Variants in ATF4 observed in about 807,000 individuals in gnomAD.
ATF4 encodes activating transcription factor 4.
ATF4 carries 8 observed loss-of-function variants against 21.0 expected under a neutral mutation model. That is an observed-to-expected ratio of 0.38 (90% CI 0.22 to 0.69). The LOEUF (loss-of-function observed/expected upper bound fraction) is 0.69. ATF4 is among the 30% of genes least tolerant of loss of function. ATF4 has a pLI of 0.49. For missense variants in ATF4, 549 were observed against 425.9 expected (o/e 1.29, Z -2.54); for synonymous variants, 241 against 166.4 (o/e 1.45, Z -3.45).
rs749969874 is a variant in ATF4 at position 39,522,034 on chromosome 22, T to A, written c.488T>A (p.Leu163His). The A allele has an allele frequency of 6.2e-7, 1 of 1,613,876 alleles. No individual in the cohort carries two copies. Residue 163 changes from leucine (L) to histidine (H), a missense_variant, in exon 3 of 3, where the codon CTT (leucine) becomes CAT (histidine). Transcript: ENST00000674920. ...GCCCCCTTCACCTTCTTACAACCTC[T>A]TCCCCTTTCCCCAGGGGTCCTGTCC... ...QVAPFTFLQP[L>H]PLSPGVLSST...
Position 39,522,244 on chromosome 22 carries a change from AGC to A in ATF4, c.699_700del (p.His234GlnfsTer10). On this transcript the variant is annotated frameshift_variant, in exon 3 of 3. Coordinates refer to ENST00000674920, the MANE Select transcript of ATF4 (RefSeq NM_182810.3). LOFTEE classifies it high-confidence loss of function. ...CCAGAGTCCTATCTGGGGTCTCCTC[AGC>A]ACAGCCCCTCTACCAGGGGCTCTCC... 1 of 1,608,682 alleles carries A rather than the reference AGC, an allele frequency of 6.2e-7. No homozygotes were observed. Among genetic ancestry groups the A allele is most frequent in the African/African-American group, 1.3e-5 (1 of 74,560 alleles).
rs925614655 is a variant in ATF4 at position 39,521,573 on chromosome 22, A to C, written c.128A>C (p.His43Pro). Reference sequence around the variant, plus strand: ...GATGATTACCTGGAGGTGGCCAAGCACTTCAAACCTCATGGGTTCTCCAGC... The same window carrying C: ...GATGATTACCTGGAGGTGGCCAAGCCCTTCAAACCTCATGGGTTCTCCAGC... Reference protein sequence around the residue: ...LLDDYLEVAKHFKPHGFSSDK... With the variant: ...LLDDYLEVAKPFKPHGFSSDK... Residue 43 changes from histidine (H) to proline (P), a missense_variant, in exon 2 of 3, where the codon CAC (histidine) becomes CCC (proline). Transcript: ENST00000674920. 3 of 1,613,722 alleles carry C rather than the reference A, an allele frequency of 1.9e-6. No individual in the cohort carries two copies. The African/African-American group carries it at 4.0e-5, about 22-fold the overall frequency.
intron 1 of ATF4, 34 bp from the exon 2 acceptor site, chr22:39,521,320 C>T: frequency 1.3e-6 from 1 of 776,398 alleles, no homozygotes; most frequent in Non-Finnish European, 2.1e-6. Context: ...AACAGCTAAC[C>T]TCTAATGGGA....
In ATF4 at chr22:39,522,154, T is replaced by C; in HGVS notation, c.608T>C (p.Met203Thr). 6 of 1,613,700 alleles carry C rather than the reference T, an allele frequency of 3.7e-6. No individual in the cohort carries two copies. The highest frequency in any genetic ancestry group is 5.1e-6 in the Non-Finnish European group (6 of 1,179,718). Reference protein sequence around the residue: ...RKPDYTAYVAMIPQCIKEEDT... With the variant: ...RKPDYTAYVATIPQCIKEEDT... Reference sequence around the variant, plus strand: ...CCAGACTACACTGCTTACGTTGCCATGATCCCTCAGTGCATAAAGGAGGAA... The same window carrying C: ...CCAGACTACACTGCTTACGTTGCCACGATCCCTCAGTGCATAAAGGAGGAA... Residue 203 changes from methionine to threonine, a missense_variant, in exon 3 of 3, where the codon ATG becomes ACG. Transcript: ENST00000674920.
rs1252413819 is a variant in ATF4, at chr22:39,522,666, AATT to A, written c.*68_*70del. The stretch of plus-strand genomic sequence containing the variant: ...AGTGCTGTAGCTGTGTGTTCCAATA[AATT>A]ATTTTGTAGGGAAAGTACTTGTGCG... On this transcript the variant is annotated 3_prime_UTR_variant, in exon 3 of 3. Transcript: ENST00000674920. The A allele has an allele frequency of 1.4e-6, 2 of 1,379,364 alleles. No individual in the cohort carries two copies. The highest frequency in any genetic ancestry group is 1.9e-6 in the Non-Finnish European group (2 of 1,040,812). 85.4% of individuals were successfully genotyped at this position (1,379,364 alleles called of 1,614,324 possible).
rs200926784 is a variant in ATF4, at chr22:39,521,538, A to G, written c.93A>G (p.Leu31=). The G allele has an allele frequency of 3.1e-6, 5 of 1,612,412 alleles. No individual in the cohort carries two copies. In the Admixed American group the frequency reaches 5.0e-5, roughly 16 times the overall value. The change falls in exon 2 of 3, where the codon CTA becomes CTG. Residue 31 remains leucine (L), a synonymous_variant. Coordinates refer to ENST00000674920, the MANE Select transcript of ATF4 (RefSeq NM_182810.3). Reference sequence around the variant, plus strand: ...CGGGTTTGGGGGCTGAAGAAAGCCTAGGTCTCTTAGATGATTACCTGGAGG... The same window carrying G: ...CGGGTTTGGGGGCTGAAGAAAGCCTGGGTCTCTTAGATGATTACCTGGAGG... The part of the protein sequence containing the change: ...DQSGLGAEES[L]GLLDDYLEVA...
In ATF4 at chr22:39,522,663, A is replaced by G. The variant is rs1158042432; in HGVS notation, c.*61A>G. 1.4e-6 allele frequency: 2 copies of G among 1,389,820 alleles called. No homozygotes were observed. Among genetic ancestry groups the G allele is most frequent in the South Asian group, 1.6e-5 (1 of 62,772 alleles). 86.1% of individuals were successfully genotyped at this position (1,389,820 alleles called of 1,614,324 possible). Reference sequence around the variant, plus strand: ...TAGAGTGCTGTAGCTGTGTGTTCCAATAAATTATTTTGTAGGGAAAGTACT... The same window carrying G: ...TAGAGTGCTGTAGCTGTGTGTTCCAGTAAATTATTTTGTAGGGAAAGTACT... On this transcript the variant is annotated 3_prime_UTR_variant, in exon 3 of 3. Coordinates refer to ENST00000674920, the MANE Select transcript of ATF4 (RefSeq NM_182810.3).
At position 39,522,122 on chromosome 22, in the gene ATF4, T is replaced by C; in HGVS notation, c.576T>C (p.Asp192=). The change falls in exon 3 of 3, where the codon GAT becomes GAC. Residue 192 remains aspartate, a synonymous_variant. Transcript: ENST00000674920. The stretch of plus-strand genomic sequence containing the variant: ...GTGAAGTGGATATCACTGAAGGAGA[T>C]AGGAAGCCAGACTACACTGCTTACG... The part of the protein sequence containing the change: ...LGSEVDITEG[D]RKPDYTAYVA... 1.2e-6 allele frequency: 2 copies of C among 1,613,764 alleles called. No homozygotes were observed. The highest frequency in any genetic ancestry group is 1.3e-5 in the African/African-American group (1 of 74,948).
Position 39,521,774 on chromosome 22 carries a change from G to C in ATF4, c.228G>C (p.Glu76Asp), listed in dbSNP as rs1930959622. The change falls in exon 3 of 3, where the codon GAG (glutamate) becomes GAC (aspartate). Residue 76 changes from glutamate (E) to aspartate (D), a missense_variant and splice_region_variant. By Grantham distance (45) the Glu-to-Asp change is conservative (BLOSUM62 2). Transcript: ENST00000674920. ...CCCCATCACTCAAATGTTTTGCAGAGGATGCCTTCTCCGGGACAGATTGGA... is the reference window on the plus strand; with the variant it reads ...CCCCATCACTCAAATGTTTTGCAGACGATGCCTTCTCCGGGACAGATTGGA... Reference protein sequence around the residue: ...GLVSPSNNSKEDAFSGTDWML... With the variant: ...GLVSPSNNSKDDAFSGTDWML... 2 of 1,613,666 alleles carry C rather than the reference G, an allele frequency of 1.2e-6. No homozygotes were observed. Among genetic ancestry groups the C allele is most frequent in the Admixed American group, 1.7e-5 (1 of 59,994 alleles).
At position 39,522,037 on chromosome 22, in the gene ATF4, C is replaced by T; in HGVS notation, c.491C>T (p.Pro164Leu). 1.9e-6 allele frequency: 3 copies of T among 1,613,880 alleles called. No individual in the cohort carries two copies. The highest frequency in any genetic ancestry group is 2.7e-5 in the African/African-American group (2 of 74,992). Residue 164 changes from proline to leucine, a missense_variant, in exon 3 of 3, where the codon CCC becomes CTC. Pro to Leu is a moderately conservative substitution (Grantham distance 98, BLOSUM62 -3). Coordinates refer to ENST00000674920, the MANE Select transcript of ATF4 (RefSeq NM_182810.3). ...VAPFTFLQPL[P>L]LSPGVLSSTP... ...CCCTTCACCTTCTTACAACCTCTTCCCCTTTCCCCAGGGGTCCTGTCCTCC... is the reference window on the plus strand; with the variant it reads ...CCCTTCACCTTCTTACAACCTCTTCTCCTTTCCCCAGGGGTCCTGTCCTCC...
chr22:39,521,605 G>A lies in ATF4; in HGVS notation c.160G>A (p.Ala54Thr), dbSNP rs148038848. ...ACCTCATGGGTTCTCCAGCGACAAG[G>A]CTAAGGCGGGCTCCTCCGAATGGCT... Reference protein sequence around the residue: ...FKPHGFSSDKAKAGSSEWLAV... With the variant: ...FKPHGFSSDKTKAGSSEWLAV... Residue 54 changes from alanine (A) to threonine (T), a missense_variant, in exon 2 of 3, where the codon GCT becomes ACT. Coordinates refer to ENST00000674920, the MANE Select transcript of ATF4 (RefSeq NM_182810.3). The A allele has an allele frequency of 1.2e-6, 2 of 1,614,146 alleles. No homozygotes were observed. Among genetic ancestry groups the A allele is most frequent in the African/African-American group, 2.7e-5 (2 of 75,048 alleles).
chr22:39,522,621 G>C lies in ATF4; in HGVS notation c.*19G>C. The C allele has an allele frequency of 1.3e-6, 2 of 1,515,548 alleles. No homozygotes were observed. Among genetic ancestry groups the C allele is most frequent in the South Asian group, 2.7e-5 (2 of 74,008 alleles). 93.9% of individuals were successfully genotyped at this position (1,515,548 alleles called of 1,614,324 possible). A position where few individuals can be genotyped will look rare whatever the true frequency, so the allele number is the denominator to read the frequency against. On this transcript the variant is annotated 3_prime_UTR_variant, in exon 3 of 3. Transcript: ENST00000674920. ...CCCCTAGTTGAGGATAGTCAGGAGCGTCAATGTGCTTGTACATAGAGTGCT... is the reference window on the plus strand; with the variant it reads ...CCCCTAGTTGAGGATAGTCAGGAGCCTCAATGTGCTTGTACATAGAGTGCT...
At position 39,522,474 on chromosome 22, in the gene ATF4, T is replaced by C. The variant is rs1416012246; in HGVS notation, c.928T>C (p.Cys310Arg). The change falls in exon 3 of 3, where the codon TGC becomes CGC. Residue 310 changes from cysteine (C) to arginine (R), a missense_variant. Coordinates refer to ENST00000674920, the MANE Select transcript of ATF4 (RefSeq NM_182810.3). ...RAEQEALTGE[C>R]KELEKKNEAL... ...GGAGCAGGAGGCTCTTACTGGTGAG[T>C]GCAAAGAGCTGGAAAAGAAGAACGA... The C allele has an allele frequency of 1.2e-6, 2 of 1,613,150 alleles. No individual in the cohort carries two copies. Among genetic ancestry groups the C allele is most frequent in the East Asian group, 2.2e-5 (1 of 44,866 alleles).
rs1465855611 is a variant in ATF4 at position 39,521,334 on chromosome 22, G to T, written c.-92-20G>T. ...GAACAGCTAACCTCTAATGGGAGTT[G>T]GCTTCTGATTCTCATTCAGGCTTCT... is the stretch of plus-strand genomic sequence containing the variant. On this transcript the variant is annotated intron_variant, in intron 1 of 2. Coordinates refer to ENST00000674920, the MANE Select transcript of ATF4 (RefSeq NM_182810.3). The T allele has an allele frequency of 1.1e-6, 1 of 890,140 alleles. No homozygotes were observed. The highest frequency in any genetic ancestry group is 1.7e-6 in the Non-Finnish European group (1 of 575,732). 55.1% of individuals were successfully genotyped at this position (890,140 alleles called of 1,614,324 possible).
Position 39,522,197 on chromosome 22 carries a change from T to G in ATF4, c.651T>G (p.Asn217Lys). The G allele has an allele frequency of 6.2e-7, 1 of 1,611,298 alleles. No homozygotes were observed. Among genetic ancestry groups the G allele is most frequent in the Non-Finnish European group, 8.5e-7 (1 of 1,178,236 alleles). Residue 217 changes from asparagine to lysine, a missense_variant, in exon 3 of 3, where the codon AAT becomes AAG. Coordinates refer to ENST00000674920, the MANE Select transcript of ATF4 (RefSeq NM_182810.3). The stretch of plus-strand genomic sequence containing the variant: ...AGGAGGAAGACACCCCTTCAGATAA[T>G]GATAGTGGCATCTGTATGAGCCCAG... ...CIKEEDTPSD[N>K]DSGICMSPES...
In ATF4 at chr22:39,521,585, A is replaced by T. The variant is rs747272986; in HGVS notation, c.140A>T (p.His47Leu). ...YLEVAKHFKP[H>L]GFSSDKAKAG... Reference sequence around the variant, plus strand: ...GAGGTGGCCAAGCACTTCAAACCTCATGGGTTCTCCAGCGACAAGGCTAAG... The same window carrying T: ...GAGGTGGCCAAGCACTTCAAACCTCTTGGGTTCTCCAGCGACAAGGCTAAG... Residue 47 changes from histidine (H) to leucine (L), a missense_variant, in exon 2 of 3, where the codon CAT becomes CTT. By Grantham distance (99) the His-to-Leu change is moderately conservative (BLOSUM62 -3). Coordinates refer to ENST00000674920, the MANE Select transcript of ATF4 (RefSeq NM_182810.3). 36 of 1,613,922 alleles carry T rather than the reference A, an allele frequency of 2.2e-5. No individual in the cohort carries two copies. The South Asian group carries it at 2.6e-4, about 12-fold the overall frequency.
At position 39,521,999 on chromosome 22, in the gene ATF4, C is replaced by T. The variant is rs1930978314; in HGVS notation, c.453C>T (p.Pro151=). 8 of 1,613,582 alleles carry T rather than the reference C, an allele frequency of 5.0e-6. No homozygotes were observed. In the African/African-American group the frequency reaches 5.3e-5, roughly 11 times the overall value. Residue 151 remains proline (P), a synonymous_variant, in exon 3 of 3, where the codon CCC becomes CCT. Coordinates refer to ENST00000674920, the MANE Select transcript of ATF4 (RefSeq NM_182810.3). The part of the protein sequence containing the change: ...IGHLPESLTK[P]DQVAPFTFLQ... ...ATCTCCCAGAAAGTTTAACAAAACCCGACCAGGTTGCCCCCTTCACCTTCT... is the reference window on the plus strand; with the variant it reads ...ATCTCCCAGAAAGTTTAACAAAACCTGACCAGGTTGCCCCCTTCACCTTCT...
At chr22:39,521,288 A>T (rs1930926386) in intron 1 of ATF4, 66 bp from the exon 2 acceptor site, 3 of 604,530 alleles carry the variant, frequency 5.0e-6, no homozygotes, top group Non-Finnish European at 8.6e-6. Context: ...CCGCCTCATA[A>T]GTGGAAGGAT....
chr22:39,522,532 A>G lies in ATF4; in HGVS notation c.986A>G (p.Lys329Arg). 2 of 1,601,628 alleles carry G rather than the reference A, an allele frequency of 1.2e-6. No individual in the cohort carries two copies. The highest frequency in any genetic ancestry group is 1.7e-6 in the Non-Finnish European group (2 of 1,175,002). ...AAAGAGAGGGCGGATTCCCTGGCCA[A>G]GGAGATCCAGTACCTGAAAGATTTG... is the stretch of plus-strand genomic sequence containing the variant. ...ALKERADSLA[K>R]EIQYLKDLIE... The change falls in exon 3 of 3, where the codon AAG becomes AGG. Residue 329 changes from lysine to arginine, a missense_variant. Lys to Arg is a conservative substitution (Grantham distance 26). Coordinates refer to ENST00000674920, the MANE Select transcript of ATF4 (RefSeq NM_182810.3).
Sources: allele counts gnomAD v4.1 joint callset, GRCh38; gene constraint gnomAD v4.1.1; transcripts MANE v1.5; gene names NCBI Gene and HGNC (gene_info 2026-07-23, HGNC 2026-07-21).